CRB1: variants seen among roughly 807,000 people sequenced by gnomAD.
CRB1 encodes protein crumbs homolog 1.
Under a neutral mutation model 120.0 loss-of-function variants are expected in CRB1, and 83 were observed. That is an observed-to-expected ratio of 0.69 (90% confidence interval 0.58 to 0.83). The LOEUF (loss-of-function observed/expected upper bound fraction) is 0.83. Ranked by LOEUF, CRB1 falls within the 40% of genes least tolerant of loss-of-function variation. The pLI, the probability that CRB1 is intolerant of heterozygous loss-of-function variation, is 0.00. For synonymous variants in CRB1, 625 were observed against 612.5 expected (o/e 1.02, Z -0.30); for missense variants, 1,699 against 1,687.6 (o/e 1.01, Z -0.12).
chr1:197,355,943 C>G (rs1016396031), intron 4 of CRB1, among the ~76,000 whole-genome samples: 6 of 152,236 alleles, frequency 3.9e-5, no homozygotes, highest in African/African-American at 1.4e-4. Context: ...GCTGCCAGCA[C>G]ACTGTCACCT....
intron 1 of CRB1, among the ~76,000 whole-genome samples, chr1:197,320,491 C>A (rs1658126263): frequency 1.3e-5 from 2 of 152,062 alleles, no homozygotes; most frequent in Non-Finnish European, 2.9e-5. Context: ...GCAAAGGCCT[C>A]CATTTCATAC....
At chr1:197,224,270 C>T in the CRB1 span, among the ~76,000 whole-genome samples, 1 of 152,054 alleles carries the variant, frequency 6.6e-6, no homozygotes, top group African/African-American at 2.4e-5. Flanking sequence ...GATATATATT[C>T]ATTCTGTATA....
At chr1:197,330,977 G>A (rs1411839862) in intron 2 of CRB1, among the ~76,000 whole-genome samples, 2 of 152,094 alleles carry the variant, frequency 1.3e-5, no homozygotes, top group Non-Finnish European at 2.9e-5. Flanking sequence ...GGAGGATCAC[G>A]AGGTCAGGAG....
chr1:197,415,641 C>CTTTTTTT (rs55654070), intron 5 of CRB1, among the ~76,000 whole-genome samples: 11 of 94,012 alleles, frequency 1.2e-4, no homozygotes, highest in Non-Finnish European at 1.8e-4. Flanking sequence ...TTTTTCTTTT[C>CTTTTTTT]TTTTTTTTTT....
chr1:197,464,410 A>G (rs17620514), intron 11 of CRB1, among the ~76,000 whole-genome samples: 2,613 of 152,278 alleles, frequency 0.017, 30 homozygotes, highest in South Asian at 0.037. Context: ...TAACTCAGCC[A>G]TATCCCTGAG....
At chr1:197,345,185 G>A (rs531546482) in intron 3 of CRB1, among the ~76,000 whole-genome samples, 81 of 152,238 alleles carry the variant, frequency 5.3e-4, no homozygotes, top group South Asian at 1.0e-3. Flanking sequence ...TTTAAGCCAC[G>A]ATGCTGAGTT....
intron 5 of CRB1, among the ~76,000 whole-genome samples, chr1:197,404,436 C>A (rs981783794): frequency 3.6e-5 from 4 of 110,746 alleles, no homozygotes; most frequent in African/African-American, 1.9e-4. Flanking sequence ...AGCGAGACTC[C>A]GTCTCAAAAA....
intron 5 of CRB1, among the ~76,000 whole-genome samples, chr1:197,360,852 A>G (rs1571392596): frequency 6.6e-6 from 1 of 152,202 alleles, no homozygotes; most frequent in Admixed American, 6.5e-5. Context: ...TTCATTCACC[A>G]TTTTAGAGGG....
rs1424001403 is a variant in CRB1, at chr1:197,269,149, T to A, written c.70+667T>A. Among the ~76,000 whole-genome samples, 4 of 152,228 alleles carry A rather than the reference T, an allele frequency of 2.6e-5. No homozygotes were observed. The East Asian group carries it at 7.7e-4, about 29-fold the overall frequency. On this transcript the variant is annotated intron_variant, in intron 1 of 11. Coordinates refer to ENST00000367400, the MANE Select transcript of CRB1 (RefSeq NM_201253.3). Reference sequence around the variant, plus strand: ...AGAGGAGACCAAATTGCCCCAGCTGTGTGTTTATGAAGCACAGTAGCTATT... The same window carrying A: ...AGAGGAGACCAAATTGCCCCAGCTGAGTGTTTATGAAGCACAGTAGCTATT...
chr1:197,217,590 T>A, the CRB1 span, among the ~76,000 whole-genome samples: 1 of 152,164 alleles, frequency 6.6e-6, no homozygotes, highest in African/African-American at 2.4e-5. Flanking sequence ...ATAGTATGAA[T>A]CTGTTTATAC....
At chr1:197,259,502 G>A in the CRB1 span, among the ~76,000 whole-genome samples, 1 of 152,108 alleles carries the variant, frequency 6.6e-6, no homozygotes, top group Non-Finnish European at 1.5e-5. Flanking sequence ...CACATGGAGG[G>A]AAACAACATA....
At chr1:197,312,113 T>G (rs979292621) in intron 1 of CRB1, among the ~76,000 whole-genome samples, 7 of 152,128 alleles carry the variant, frequency 4.6e-5, no homozygotes, top group African/African-American at 9.7e-5. Context: ...ATGAAAAAAT[T>G]TTTAATGTCC....
intron 11 of CRB1, among the ~76,000 whole-genome samples, chr1:197,472,126 C>G (rs1039500938): frequency 1.3e-5 from 2 of 152,176 alleles, no homozygotes; most frequent in African/African-American, 2.4e-5. Flanking sequence ...AATACACACA[C>G]AGACACAACT....
the CRB1 span, among the ~76,000 whole-genome samples, chr1:197,214,712 C>T: frequency 6.6e-6 from 1 of 151,968 alleles, no homozygotes; most frequent in Non-Finnish European, 1.5e-5. Context: ...AAGGAAAGTC[C>T]AGGACCAGAG....
chr1:197,252,582 A>ATATATATGTGTG, the CRB1 span, among the ~76,000 whole-genome samples: 71 of 15,440 alleles, frequency 4.6e-3, 2 homozygotes, highest in Admixed American at 6.9e-3. Flanking sequence ...ATATATATAT[A>ATATATATGTGTG]TGTGTGTGTG....
At chr1:197,336,863 A>G (rs1038372982) in intron 2 of CRB1, among the ~76,000 whole-genome samples, 7 of 152,146 alleles carry the variant, frequency 4.6e-5, no homozygotes, top group Non-Finnish European at 7.4e-5. Flanking sequence ...AAATGTTCCT[A>G]GGAAAAAAAA....
rs533887195 is a variant in CRB1 at position 197,344,114 on chromosome 1, C to G, written c.653-167C>G. Among the ~76,000 whole-genome samples the G allele has an allele frequency of 2.0e-5, 3 of 152,290 alleles. No individual in the cohort carries two copies. The South Asian group carries it at 6.2e-4, about 32-fold the overall frequency. ...CAGCTGCTCTGCCTTGTGCAACTTCCCACAAGCACACCAAAAGTTAATATC... is the reference window on the plus strand; with the variant it reads ...CAGCTGCTCTGCCTTGTGCAACTTCGCACAAGCACACCAAAAGTTAATATC... On this transcript the variant is annotated intron_variant, in intron 2 of 11. Coordinates refer to ENST00000367400, the MANE Select transcript of CRB1 (RefSeq NM_201253.3).
intron 4 of CRB1, among the ~76,000 whole-genome samples, chr1:197,350,114 A>C (rs1355782791): frequency 6.6e-6 from 1 of 151,976 alleles, no homozygotes; most frequent in Non-Finnish European, 1.5e-5. Flanking sequence ...CTCAAAAAAA[A>C]AAAAAAAAAA....
chr1:197,423,841 G>A (rs1664452438), intron 6 of CRB1, among the ~76,000 whole-genome samples: 1 of 152,104 alleles, frequency 6.6e-6, no homozygotes, highest in African/African-American at 2.4e-5. Flanking sequence ...AATGTATCAA[G>A]GTTGATCTTT....
Sources: gnomAD v4.1 joint callset for allele counts (sites outside exome capture counted in the v4.1 genomes callset) on GRCh38, gnomAD v4.1.1 for gene constraint, MANE v1.5 for transcripts, NCBI Gene and HGNC (gene_info 2026-07-23, HGNC 2026-07-21) for gene names.